UNC13C: variants seen among roughly 807,000 people sequenced by gnomAD.
The protein encoded by UNC13C is unc-13 homolog C.
UNC13C carries 174 observed loss-of-function variants against 245.4 expected under a neutral mutation model. The ratio of observed to expected loss-of-function variants is 0.71; its 90% CI spans 0.63 to 0.80. The LOEUF is 0.80. Ranked by LOEUF, UNC13C falls within the 30% of genes least tolerant of loss-of-function variation. UNC13C has a pLI of 0.00. For synonymous variants in UNC13C, 992 were observed against 895.1 expected, an observed-to-expected ratio of 1.11 and a Z score of -1.93; for missense variants, 2,829 against 2,602.9, an observed-to-expected ratio of 1.09 and a Z score of -1.89.
At chr15:54,181,535 T>G (rs530355913) in intron 4 of UNC13C, among the ~76,000 whole-genome samples, 1 of 152,010 alleles carries the variant, frequency 6.6e-6, no homozygotes, top group Non-Finnish European at 1.5e-5. Context: ...TGGGACCCTT[T>G]TTTGGTTCCA....
downstream of UNC13C, chr15:54,630,610 T>C (rs993800057): frequency 6.6e-6 from 1 of 152,152 alleles, no homozygotes; most frequent in African/African-American, 2.4e-5. Flanking sequence ...GGCAAGAGAC[T>C]GCCCTCCCCT....
At chr15:54,326,877 G>T (rs1043764741) in intron 14 of UNC13C, among the ~76,000 whole-genome samples, 2 of 152,008 alleles carry the variant, frequency 1.3e-5, no homozygotes, top group African/African-American at 2.4e-5. Context: ...AATATTGCAA[G>T]CTTGTTAAAC....
the UNC13C span, among the ~76,000 whole-genome samples, chr15:53,910,556 A>G: frequency 1.4e-5 from 2 of 146,310 alleles, no homozygotes; most frequent in Non-Finnish European, 3.1e-5. Flanking sequence ...CGCCCAGAGA[A>G]AGAGAGAGTC....
chr15:54,436,942 G>A (rs912010080), intron 19 of UNC13C, among the ~76,000 whole-genome samples: 9 of 151,798 alleles, frequency 5.9e-5, no homozygotes, highest in Non-Finnish European at 7.4e-5. Flanking sequence ...CAAAAAGTAC[G>A]TAACAAAATG....
intron 8 of UNC13C, among the ~76,000 whole-genome samples, chr15:54,258,402 C>G (rs1018421319): frequency 6.6e-6 from 1 of 152,148 alleles, no homozygotes; most frequent in Admixed American, 6.5e-5. Flanking sequence ...CCCACTCTGT[C>G]TCCCAGGTTG....
At chr15:53,910,428 T>G in the UNC13C span, among the ~76,000 whole-genome samples, 91 of 146,644 alleles carry the variant, frequency 6.2e-4, 2 homozygotes, top group African/African-American at 2.1e-3. Context: ...AGTTCATATT[T>G]GGCTTTGAGC....
intron 17 of UNC13C, among the ~76,000 whole-genome samples, chr15:54,356,374 A>G (rs2039095633): frequency 1.3e-5 from 2 of 151,282 alleles, no homozygotes; most frequent in African/African-American, 2.4e-5. Flanking sequence ...TTTTTTTTCC[A>G]TACCTTGTCC....
chr15:54,629,478 G>A (rs922142857), downstream of UNC13C: 1 of 152,120 alleles, frequency 6.6e-6, no homozygotes, highest in Admixed American at 6.6e-5. Flanking sequence ...CATTCCACAG[G>A]TGGTGTGTTC....
chr15:54,420,603 A>T (rs1285169342), intron 19 of UNC13C, among the ~76,000 whole-genome samples: 1 of 151,962 alleles, frequency 6.6e-6, no homozygotes, highest in Non-Finnish European at 1.5e-5. Context: ...TCATTTCTGT[A>T]TAATATTAGC....
rs933320894 is a variant in UNC13C, at chr15:54,379,364, T to C, written c.4714-13684T>C. 1.4e-4 allele frequency among the ~76,000 whole-genome samples: 21 copies of C among 152,212 alleles called. 1 individual carries two copies. In the South Asian group the frequency reaches 1.7e-3, roughly 12 times the overall value. ...GTGAAAGATACATCTTTCATTATCA[T>C]GACAGAATACAAAAATCTAGCAAAC... On this transcript the variant is annotated intron_variant, in intron 17 of 32. Transcript: ENST00000260323.
chr15:54,092,205 T>C (rs185229075), intron 2 of UNC13C, among the ~76,000 whole-genome samples: 13 of 152,332 alleles, frequency 8.5e-5, no homozygotes, highest in Admixed American at 8.5e-4. Context: ...GAATTATATA[T>C]GACCAAATAA....
At chr15:54,471,878 A>G (rs4354874) in intron 19 of UNC13C, among the ~76,000 whole-genome samples, 62,459 of 151,460 alleles carry the variant, frequency 0.41, 13,170 homozygotes, top group East Asian at 0.62. Context: ...TGTAGCTAGC[A>G]TATAGTTGGG....
intron 19 of UNC13C, among the ~76,000 whole-genome samples, chr15:54,450,135 C>T (rs1055207551): frequency 1.3e-5 from 2 of 152,166 alleles, no homozygotes; most frequent in Non-Finnish European, 2.9e-5. Flanking sequence ...CTGGAAGTTT[C>T]GTCTCAGAGG....
upstream of UNC13C, among the ~76,000 whole-genome samples, chr15:53,973,541 A>T (rs955631300): frequency 6.6e-6 from 1 of 151,974 alleles, no homozygotes. Context: ...GAGCTCTTCA[A>T]TGCTGTGCCA....
intron 1 of UNC13C, among the ~76,000 whole-genome samples, chr15:53,995,369 A>G (rs997961297): frequency 1.3e-5 from 2 of 152,068 alleles, no homozygotes; most frequent in South Asian, 2.1e-4. Flanking sequence ...CCAGTCTTCA[A>G]CCTAGAAATC....
chr15:53,999,468 TTCTG>T (rs1357290159), intron 1 of UNC13C, among the ~76,000 whole-genome samples: 2 of 152,024 alleles, frequency 1.3e-5, no homozygotes, highest in East Asian at 1.9e-4. Flanking sequence ...TGTACTTATA[TTCTG>T]TCTTTCAGTT....
intron 4 of UNC13C, 78 bp downstream of exon 4, chr15:54,143,762 G>A (rs2032133315): frequency 9.4e-7 from 1 of 1,064,084 alleles, no homozygotes; most frequent in Non-Finnish European, 1.4e-6. Flanking sequence ...TATGCTTTGA[G>A]TGCAAGATGC....
chr15:54,353,172 A>C (rs761162386), intron 17 of UNC13C, among the ~76,000 whole-genome samples: 4 of 152,214 alleles, frequency 2.6e-5, no homozygotes, highest in Non-Finnish European at 5.9e-5. Context: ...AAACACAGTC[A>C]GTATCCTCAT....
intron 30 of UNC13C, among the ~76,000 whole-genome samples, chr15:54,603,912 G>A (rs530302743): frequency 2.3e-4 from 35 of 152,218 alleles, no homozygotes; most frequent in Non-Finnish European, 4.0e-4. Context: ...ACCTGAGCAC[G>A]GCTTTTCTTT....
Sources: gnomAD v4.1 joint callset for allele counts (sites outside exome capture counted in the v4.1 genomes callset) on GRCh38, gnomAD v4.1.1 for gene constraint, MANE v1.5 for transcripts, NCBI Gene and HGNC (gene_info 2026-07-23, HGNC 2026-07-21) for gene names.